MTCH1: variants seen among roughly 807,000 people sequenced by gnomAD.
The protein encoded by MTCH1 is mitochondrial carrier homolog 1.
A neutral mutation model predicts 49.3 loss-of-function variants in MTCH1; 23 were observed. The observed-to-expected ratio is 0.47, with a 90% CI of 0.34 to 0.66. The LOEUF is 0.66. Ranked by LOEUF, MTCH1 falls within the 30% of genes least tolerant of loss-of-function variation. The pLI is 0.01. For missense variants in MTCH1, 397 were observed against 532.1 expected (o/e 0.75, Z 2.50); for synonymous variants, 229 against 215.2 (o/e 1.06, Z -0.56).
chr6:36,976,503 A>C (rs921943549), intron 6 of MTCH1: 8 of 470,876 alleles, frequency 1.7e-5, no homozygotes, highest in Non-Finnish European at 2.2e-5. Context: ...CCAACCTCAT[A>C]ATCAGTCTAG....
chr6:36,978,384 G>T, intron 3 of MTCH1, 121 bp downstream of exon 3: 1 of 1,036,586 alleles, frequency 9.6e-7, no homozygotes, highest in Non-Finnish European at 1.4e-6. Context: ...CCATGGGGCT[G>T]GAGTGAAGCC....
intron 11 of MTCH1, chr6:36,969,289 A>T (rs1763588351): frequency 1.0e-6 from 1 of 985,064 alleles, no homozygotes; most frequent in Non-Finnish European, 1.2e-6. Flanking sequence ...GACGAGACAC[A>T]CTCACGCTGA....
chr6:36,986,322 C>A (rs1469687278), upstream of MTCH1: 9 of 739,234 alleles, frequency 1.2e-5, no homozygotes, highest in South Asian at 3.6e-4. Context: ...ATGTGGCTCC[C>A]CGGCCGGTTG....
rs562174529 is a variant in MTCH1 at position 36,968,654 on chromosome 6, G to A, written c.*249C>T. 374 of 586,936 alleles carry A rather than the reference G, an allele frequency of 6.4e-4. 1 individual carries two copies. The highest frequency in any genetic ancestry group is 9.5e-4 in the Non-Finnish European group (292 of 307,228). 36.4% of individuals were successfully genotyped at this position (586,936 alleles called of 1,614,324 possible). A position where few individuals can be genotyped will look rare whatever the true frequency, so the allele number is the denominator to read the frequency against. ...GACTCAGCAAATCTGCGAGGTATGGGGATTCTGCCAACTCCCCACCTCGCC... is the reference window on the plus strand; with the variant it reads ...GACTCAGCAAATCTGCGAGGTATGGAGATTCTGCCAACTCCCCACCTCGCC... On this transcript the variant is annotated 3_prime_UTR_variant, in exon 12 of 12. Transcript: ENST00000373627.
intron 11 of MTCH1, 190 bp downstream of exon 11, chr6:36,969,849 C>A: frequency 6.5e-7 from 1 of 1,531,804 alleles, no homozygotes; most frequent in Non-Finnish European, 8.8e-7. Context: ...CACACTTAGC[C>A]ACCTCAAATC....
chr6:36,975,716 C>T lies in MTCH1; in HGVS notation c.703G>A (p.Gly235Ser). 1 of 1,613,996 alleles carries T rather than the reference C, an allele frequency of 6.2e-7. No individual in the cohort carries two copies. The highest frequency in any genetic ancestry group is 8.5e-7 in the Non-Finnish European group (1 of 1,179,954). Residue 235 changes from glycine (G) to serine (S), a missense_variant and splice_region_variant, in exon 7 of 12, where the codon GGT (glycine) becomes AGT (serine). Physicochemically the swap from Gly to Ser is moderately conservative, Grantham distance 56. Coordinates refer to ENST00000373627, the MANE Select transcript of MTCH1 (RefSeq NM_001271641.2). The part of the protein sequence containing the change: ...QFVGREAKYS[G>S]VLSSIGKIFK... The stretch of plus-strand genomic sequence containing the variant: ...ATCTTCCCAATGGAGCTCAGCACAC[C>T]ACTGTGAAGAAGGCAAGACAGAGAT...
chr6:36,971,756 T>TC (rs1007497571), intron 8 of MTCH1, among the ~76,000 whole-genome samples: 1 of 151,982 alleles, frequency 6.6e-6, no homozygotes, highest in African/African-American at 2.4e-5. Context: ...GGCAGACACG[T>TC]CCCCAGGCCC....
rs576352553 is a variant in MTCH1 at position 36,982,717 on chromosome 6, T to C, written c.322-1045A>G. Among the ~76,000 whole-genome samples, 3 of 152,224 alleles carry C rather than the reference T, an allele frequency of 2.0e-5. No individual in the cohort carries two copies. In the East Asian group the frequency reaches 5.8e-4, roughly 29 times the overall value. On this transcript the variant is annotated intron_variant, in intron 1 of 11. Transcript: ENST00000373627. This position sits in a 1 kb window ranked among gnomAD's most constrained non-coding sequence, Gnocchi z 4.1. The stretch of plus-strand genomic sequence containing the variant: ...AATATTTATTAAACCCGCGGGTGGG[T>C]GAAGGACCATCCATATCCATGTGAG...
In MTCH1 at chr6:36,986,160, T is replaced by G; in HGVS notation, c.14A>C (p.Asp5Ala). 1 of 1,435,192 alleles carries G rather than the reference T, an allele frequency of 7.0e-7. No homozygotes were observed. The highest frequency in any genetic ancestry group is 9.1e-7 in the Non-Finnish European group (1 of 1,102,306). The allele number at this position is 1,435,192 out of a possible 1,614,324, so 88.9% of individuals were successfully genotyped here. A position where few individuals can be genotyped will look rare whatever the true frequency, so the allele number is the denominator to read the frequency against. Residue 5 changes from aspartate to alanine, a missense_variant, in exon 1 of 12, where the codon GAC (aspartate) becomes GCC (alanine). Transcript: ENST00000373627. ...GCGAGCCCAGGGCGCCACTTCCGGG[T>G]CCGAAGCTCCCATGGCGCCCGGCGG... MGAS[D>A]PEVAPWARGG...
intron 2 of MTCH1, 92 bp downstream of exon 2, chr6:36,981,496 G>A (rs879119046): frequency 4.5e-5 from 53 of 1,169,026 alleles, no homozygotes; most frequent in South Asian, 3.5e-4. Flanking sequence ...GCCATGCTGC[G>A]CAGTGAGTTC....
Position 36,968,914 on chromosome 6 carries a change from C to A in MTCH1, c.1159G>T (p.Ala387Ser). The A allele has an allele frequency of 6.2e-7, 1 of 1,614,098 alleles. No individual in the cohort carries two copies. Among genetic ancestry groups the A allele is most frequent in the Non-Finnish European group, 8.5e-7 (1 of 1,179,988 alleles). ...FRRVSSGSCF[A>S]LE ...TTAGATGATTCAGGTTACTCCAGGG[C>A]AAAGCATGATCCTGATGACACCCGG... Residue 387 changes from alanine (A) to serine (S), a missense_variant, in exon 12 of 12, where the codon GCC becomes TCC. Transcript: ENST00000373627.
intron 2 of MTCH1, among the ~76,000 whole-genome samples, chr6:36,979,468 C>G (rs1244061424): frequency 1.3e-5 from 2 of 152,202 alleles, no homozygotes; most frequent in Non-Finnish European, 2.9e-5. Flanking sequence ...CATGCTCCCC[C>G]TGTTAGACCA....
chr6:36,978,412 G>A lies in MTCH1; in HGVS notation c.513+93C>T, dbSNP rs1007325108. The stretch of plus-strand genomic sequence containing the variant: ...GTGAAGCCCCCAATGGTCTGGGAAG[G>A]AGGAGGCAAGACCAGGGTAACTGGC... On this transcript the variant is annotated intron_variant, in intron 3 of 11. Transcript: ENST00000373627. 12 of 1,291,688 alleles carry A rather than the reference G, an allele frequency of 9.3e-6. No individual in the cohort carries two copies. The Admixed American group carries it at 2.2e-4, about 23-fold the overall frequency. 80.0% of individuals were successfully genotyped at this position (1,291,688 alleles called of 1,614,324 possible). A position where few individuals can be genotyped will look rare whatever the true frequency, so the allele number is the denominator to read the frequency against.
intron 1 of MTCH1, among the ~76,000 whole-genome samples, chr6:36,985,565 G>A (rs570435564): frequency 2.6e-5 from 4 of 151,238 alleles, no homozygotes; most frequent in African/African-American, 7.3e-5. Context: ...CCAGCCCATC[G>A]CTCCCTCCTT....
At chr6:36,980,505 C>T (rs1205092897) in intron 2 of MTCH1, among the ~76,000 whole-genome samples, 1 of 152,210 alleles carries the variant, frequency 6.6e-6, no homozygotes, top group African/African-American at 2.4e-5. Flanking sequence ...AAGTAAAAAA[C>T]AACACAAACA....
At chr6:36,980,850 A>G (rs574944373) in intron 2 of MTCH1, among the ~76,000 whole-genome samples, 1 of 152,330 alleles carries the variant, frequency 6.6e-6, no homozygotes, top group South Asian at 2.1e-4. Context: ...AGGGACAGTG[A>G]GGGTGAACAT....
chr6:36,976,246 G>A (rs757134087), intron 6 of MTCH1, among the ~76,000 whole-genome samples: 8 of 152,294 alleles, frequency 5.3e-5, no homozygotes, highest in Non-Finnish European at 1.0e-4. Context: ...CCTCAGCAGG[G>A]AGCCGGGGAC....
At chr6:36,986,331 T>G, upstream of MTCH1, 1 of 637,644 alleles carries the variant, frequency 1.6e-6, no homozygotes, top group Non-Finnish European at 2.3e-6. Context: ...CCCGGCCGGT[T>G]GGAGGCCTAG....
intron 2 of MTCH1, among the ~76,000 whole-genome samples, chr6:36,979,477 C>A (rs1384374110): frequency 6.6e-6 from 1 of 152,218 alleles, no homozygotes; most frequent in African/African-American, 2.4e-5. Context: ...CCTGTTAGAC[C>A]ATGACTTTAG....
Sources: gnomAD v4.1 joint callset for allele counts (sites outside exome capture counted in the v4.1 genomes callset) on GRCh38, gnomAD v4.1.1 for gene constraint, Gnocchi (gnomAD v3.1) non-coding constraint, MANE v1.5 for transcripts, NCBI Gene and HGNC (gene_info 2026-07-23, HGNC 2026-07-21) for gene names.